The following EVC2 variants were observed in gnomAD, a reference collection of about 807,000 sequenced individuals.
EVC2 encodes EvC ciliary complex subunit 2.
In EVC2, 148 loss-of-function variants were observed where a neutral mutation model predicts 149.3. The observed-to-expected ratio is 0.99, with a 90% CI of 0.87 to 1.14. The LOEUF (loss-of-function observed/expected upper bound fraction) is 1.14. Ranked by LOEUF, EVC2 falls within the 50% of genes most tolerant of loss-of-function variation. EVC2 has a pLI of 0.00. For missense variants in EVC2, 1,854 were observed against 1,627.3 expected (o/e 1.14, Z -2.40); for synonymous variants, 776 against 649.9 (o/e 1.19, Z -2.95).
intron 7 of EVC2, among the ~76,000 whole-genome samples, chr4:5,672,648 C>A (rs1719723858): frequency 6.6e-6 from 1 of 152,202 alleles, no homozygotes; most frequent in Admixed American, 6.5e-5. Flanking sequence ...AATTACCATA[C>A]AACCGAGCAA....
chr4:5,692,446 A>C (rs1372675075), intron 3 of EVC2, among the ~76,000 whole-genome samples: 1 of 152,194 alleles, frequency 6.6e-6, no homozygotes, highest in Non-Finnish European at 1.5e-5. Flanking sequence ...AGAAAGGTTA[A>C]TACTCTTGCC....
At chr4:5,592,601 G>T (rs1712913526) in intron 16 of EVC2, among the ~76,000 whole-genome samples, 1 of 152,216 alleles carries the variant, frequency 6.6e-6, no homozygotes, top group South Asian at 2.1e-4. Context: ...GTAAAGACTT[G>T]AAATTGGTGA....
chr4:5,585,373 T>G (rs1402447556), intron 16 of EVC2, among the ~76,000 whole-genome samples: 1 of 152,166 alleles, frequency 6.6e-6, no homozygotes, highest in East Asian at 1.9e-4. Context: ...CATTCTCCCT[T>G]CCTGAAATTC....
At position 5,546,566 on chromosome 4, in the gene EVC2, G is replaced by A. The variant is rs559972530; in HGVS notation, c.3420-3354C>T. ...AACATCACACACCAGGGACCATTGTGGGGTGGGGGGATGGGGCAGGGATAG... is the reference window on the plus strand; with the variant it reads ...AACATCACACACCAGGGACCATTGTAGGGTGGGGGGATGGGGCAGGGATAG... On this transcript the variant is annotated intron_variant and NMD_transcript_variant, in intron 21 of 22. Coordinates refer to the EVC2 transcript ENST00000475313. 8.5e-5 allele frequency among the ~76,000 whole-genome samples: 13 copies of A among 152,160 alleles called. No homozygotes were observed. The South Asian group carries it at 2.5e-3, about 29-fold the overall frequency.
At chr4:5,654,513 C>G (rs1033360905) in intron 9 of EVC2, among the ~76,000 whole-genome samples, 1 of 152,230 alleles carries the variant, frequency 6.6e-6, no homozygotes, top group Non-Finnish European at 1.5e-5. Flanking sequence ...CTCTGCTCAC[C>G]TGCCCTTTCT....
intron 21 of EVC2, among the ~76,000 whole-genome samples, chr4:5,545,759 T>C (rs1721604293): frequency 6.6e-6 from 1 of 152,250 alleles, no homozygotes; most frequent in Non-Finnish European, 1.5e-5. Flanking sequence ...ATAAAGATTA[T>C]ACCACAAATA....
intron 21 of EVC2, among the ~76,000 whole-genome samples, chr4:5,554,258 T>C (rs1721793336): frequency 6.6e-6 from 1 of 152,168 alleles, no homozygotes; most frequent in Non-Finnish European, 1.5e-5. Flanking sequence ...AGCTCATCTA[T>C]AGCGTCACAG....
chr4:5,575,461 G>T (rs1481279546), intron 18 of EVC2, among the ~76,000 whole-genome samples: 1 of 152,220 alleles, frequency 6.6e-6, no homozygotes, highest in Non-Finnish European at 1.5e-5. Context: ...CGATGGGACA[G>T]AACTGCACTT....
rs1722367353 is a variant in EVC2 at position 5,567,587 on chromosome 4, TG to T, written c.3557+856del. On this transcript the variant is annotated intron_variant, in intron 20 of 21. Coordinates refer to ENST00000344408, the MANE Select transcript of EVC2 (RefSeq NM_147127.5). The surrounding 1 kb of genome is among the most constrained non-coding windows in gnomAD (Gnocchi z 4.4). ...CTACTCCATCCTCAAGGGGTACTGC[TG>T]GCTGCCCCCCAAACCCGCCTTACTC... 6.6e-6 allele frequency among the ~76,000 whole-genome samples: 1 copy of T among 152,226 alleles called. No homozygotes were observed. The highest frequency in any genetic ancestry group is 1.9e-4 in the East Asian group (1 of 5,164).
At chr4:5,562,375 G>GT (rs1458320777), downstream of EVC2, 17 of 897,586 alleles carry the variant, frequency 1.9e-5, no homozygotes, top group East Asian at 1.0e-3. The surrounding 1 kb of genome is among the most constrained non-coding windows in gnomAD (Gnocchi z 4.3). Context: ...GGAACAAAAC[G>GT]TAAGACGTAA....
intron 21 of EVC2, among the ~76,000 whole-genome samples, chr4:5,554,384 T>G (rs1384042614): frequency 6.6e-6 from 1 of 152,176 alleles, no homozygotes; most frequent in East Asian, 1.9e-4. Flanking sequence ...ACTTGCCCTG[T>G]AAGAAATGTT....
At position 5,576,899 on chromosome 4, in the gene EVC2, G is replaced by T. The variant is rs372031613; in HGVS notation, c.3058-445C>A. On this transcript the variant is annotated intron_variant, in intron 17 of 21. Coordinates refer to ENST00000344408, the MANE Select transcript of EVC2 (RefSeq NM_147127.5). This position sits in a 1 kb window ranked among gnomAD's most constrained non-coding sequence, Gnocchi z 4.5. ...CTGCTACAGTGTGAGCTCTTTGAGG[G>T]CAGGGCTGTGTCTCCTTCTCCCTGC... is the stretch of plus-strand genomic sequence containing the variant. 2.6e-5 allele frequency among the ~76,000 whole-genome samples: 4 copies of T among 152,286 alleles called. No homozygotes were observed. The highest frequency in any genetic ancestry group is 4.4e-5 in the Non-Finnish European group (3 of 68,036).
At chr4:5,547,202 C>G (rs767506858) in intron 21 of EVC2, among the ~76,000 whole-genome samples, 7 of 152,258 alleles carry the variant, frequency 4.6e-5, no homozygotes, top group Non-Finnish European at 1.0e-4. Flanking sequence ...TGTGCACACA[C>G]TTTGGGCGGT....
At chr4:5,612,039 A>G (rs75146813) in intron 16 of EVC2, among the ~76,000 whole-genome samples, 5,822 of 152,318 alleles carry the variant, frequency 0.038, 339 homozygotes, top group African/African-American at 0.13. Context: ...CTTCATGGCT[A>G]TCACATTTGC....
chr4:5,692,890 AG>A (rs66523267), intron 3 of EVC2, among the ~76,000 whole-genome samples: 54,645 of 103,588 alleles, frequency 0.53, 15,250 homozygotes, highest in Non-Finnish European at 0.62. Flanking sequence ...AAAAAAAAAA[AG>A]AAAAAAGAAA....
intron 9 of EVC2, among the ~76,000 whole-genome samples, chr4:5,651,684 T>C (rs764348725): frequency 3.3e-5 from 5 of 152,216 alleles, no homozygotes; most frequent in Non-Finnish European, 7.4e-5. Context: ...GGATGTCAGC[T>C]AAGTAAGTCA....
chr4:5,580,892 G>A (rs569214146), intron 17 of EVC2, among the ~76,000 whole-genome samples: 1 of 152,330 alleles, frequency 6.6e-6, no homozygotes, highest in African/African-American at 2.4e-5. Context: ...GAATGGTTTA[G>A]TGCCATCCCT....
At chr4:5,598,932 A>T (rs960445257) in intron 16 of EVC2, among the ~76,000 whole-genome samples, 29 of 152,244 alleles carry the variant, frequency 1.9e-4, no homozygotes, top group African/African-American at 6.8e-4. Flanking sequence ...ACATTTCTCA[A>T]AAGAAGACAT....
rs1721107398 is a variant in EVC2, at chr4:5,691,331, ATAC to A, written c.451-1_452del. ...CTTGAACTTCTCTTGAAATGTCCCC[ATAC>A]TACAATAAAATGTAAAAGTTATTAG... On this transcript the variant is annotated splice_acceptor_variant and coding_sequence_variant, in exon 4 of 22. Coordinates refer to ENST00000344408, the MANE Select transcript of EVC2 (RefSeq NM_147127.5). LOFTEE classifies it high-confidence loss of function. 1.9e-6 allele frequency: 3 copies of A among 1,611,124 alleles called. No homozygotes were observed. Among genetic ancestry groups the A allele is most frequent in the Non-Finnish European group, 2.5e-6 (3 of 1,177,450 alleles).
Sources: allele counts gnomAD v4.1 joint callset (sites outside exome capture counted in the v4.1 genomes callset), GRCh38; gene constraint gnomAD v4.1.1; non-coding constraint Gnocchi (gnomAD v3.1); transcripts MANE v1.5; gene names NCBI Gene and HGNC (gene_info 2026-07-23, HGNC 2026-07-21).